RALYL: variants seen among roughly 807,000 people sequenced by gnomAD.
RALYL encodes RNA-binding Raly-like protein.
RALYL carries 29 observed loss-of-function variants against 35.1 expected under a neutral mutation model. The observed-to-expected ratio is 0.83, with a 90% CI of 0.61 to 1.13. The LOEUF (loss-of-function observed/expected upper bound fraction) is 1.13, where lower values mean the gene tolerates loss of function less well. RALYL is among the 50% of genes most tolerant of loss of function. RALYL has a pLI of 0.00. For missense variants in RALYL, 359 were observed against 360.4 expected, an observed-to-expected ratio of 1.00 and a Z score of 0.03; for synonymous variants, 120 against 127.6, an observed-to-expected ratio of 0.94 and a Z score of 0.40.
At chr8:84,806,848 C>CA (rs1283560879) in intron 4 of RALYL, among the ~76,000 whole-genome samples, 3 of 152,038 alleles carry the variant, frequency 2.0e-5, no homozygotes, top group African/African-American at 7.2e-5. Context: ...ATCATCTCTA[C>CA]AAAAAATTAC....
intron 1 of RALYL, among the ~76,000 whole-genome samples, chr8:84,518,229 A>G (rs13258581): frequency 0.36 from 54,463 of 151,988 alleles, 9,957 homozygotes; most frequent in South Asian, 0.51. Context: ...TTTAACCTTG[A>G]CTAAGCTTAA....
intron 1 of RALYL, among the ~76,000 whole-genome samples, chr8:84,380,214 G>T (rs1857699938): frequency 6.6e-6 from 1 of 151,838 alleles, no homozygotes; most frequent in African/African-American, 2.4e-5. Context: ...TTATTCATCT[G>T]CAAAATGGGG....
At position 84,470,145 on chromosome 8, in the gene RALYL, C is replaced by T. The variant is rs150983333; in HGVS notation, c.-23-59154C>T. 6.2e-3 allele frequency among the ~76,000 whole-genome samples: 943 copies of T among 152,276 alleles called. 12 individuals carry two copies. The highest frequency in any genetic ancestry group is 0.021 in the African/African-American group (862 of 41,540). On this transcript the variant is annotated intron_variant, in intron 1 of 8. Transcript: ENST00000521268. ...GCTGTAGACAGGAGCTGTTCCTATT[C>T]GGCCATCTTGGCTCCTCCCTCCAAA... is the stretch of plus-strand genomic sequence containing the variant.
intron 1 of RALYL, among the ~76,000 whole-genome samples, chr8:84,237,902 A>G (rs948902467): frequency 5.3e-5 from 8 of 152,086 alleles, no homozygotes; most frequent in Non-Finnish European, 1.0e-4. Flanking sequence ...TTGAAGAGAA[A>G]GGTACACCAA....
At chr8:84,864,696 A>C (rs1838824491) in intron 6 of RALYL, 3 of 512,902 alleles carry the variant, frequency 5.8e-6, no homozygotes, top group African/African-American at 1.9e-5. Context: ...GCCATAGGCT[A>C]TAGGTGCAAC....
At chr8:84,579,518 C>T (rs1393349791) in intron 2 of RALYL, among the ~76,000 whole-genome samples, 1 of 152,170 alleles carries the variant, frequency 6.6e-6, no homozygotes, top group Non-Finnish European at 1.5e-5. Context: ...CCTGGCTGTG[C>T]CTCCTCTGTG....
intron 7 of RALYL, among the ~76,000 whole-genome samples, chr8:84,875,329 A>G (rs1237198379): frequency 6.6e-6 from 1 of 152,208 alleles, no homozygotes; most frequent in East Asian, 1.9e-4. Context: ...ATTTAAATAT[A>G]AATCACCTCA....
At chr8:84,485,200 A>G (rs2054479854) in intron 1 of RALYL, among the ~76,000 whole-genome samples, 1 of 151,872 alleles carries the variant, frequency 6.6e-6, no homozygotes, top group Non-Finnish European at 1.5e-5. Flanking sequence ...ATTTTTCTTT[A>G]TATCCTAACA....
intron 1 of RALYL, among the ~76,000 whole-genome samples, chr8:84,525,927 G>T (rs2058846577): frequency 6.9e-6 from 1 of 144,672 alleles, no homozygotes. Flanking sequence ...GTGATTGAAT[G>T]ACTTCTATTT....
At chr8:84,490,078 C>CGT (rs749952859) in intron 1 of RALYL, among the ~76,000 whole-genome samples, 1,253 of 91,918 alleles carry the variant, frequency 0.014, 20 homozygotes, top group African/African-American at 0.029. Context: ...TGCTTGCGTG[C>CGT]ATGTGTGTGT....
At chr8:84,350,012 T>C (rs1850595445) in intron 1 of RALYL, among the ~76,000 whole-genome samples, 1 of 150,596 alleles carries the variant, frequency 6.6e-6, no homozygotes, top group African/African-American at 2.5e-5. Context: ...CAAGTGTCTC[T>C]TGATTTTTGC....
intron 1 of RALYL, among the ~76,000 whole-genome samples, chr8:84,244,591 G>A (rs539328772): frequency 6.6e-6 from 1 of 152,274 alleles, no homozygotes; most frequent in African/African-American, 2.4e-5. Flanking sequence ...TACATCTGCT[G>A]CACTATTTCT....
At chr8:84,460,886 G>A (rs1390876735) in intron 1 of RALYL, among the ~76,000 whole-genome samples, 1 of 151,288 alleles carries the variant, frequency 6.6e-6, no homozygotes, top group Non-Finnish European at 1.5e-5. Flanking sequence ...TCAAAATAAT[G>A]AGCTTAGGGC....
intron 4 of RALYL, among the ~76,000 whole-genome samples, chr8:84,844,939 A>C (rs932218617): frequency 6.6e-6 from 1 of 150,866 alleles, no homozygotes; most frequent in Non-Finnish European, 1.5e-5. Flanking sequence ...GGACACAGGA[A>C]GGGGAACATC....
chr8:84,293,149 T>C (rs551597700), intron 1 of RALYL, among the ~76,000 whole-genome samples: 1 of 152,296 alleles, frequency 6.6e-6, no homozygotes, highest in South Asian at 2.1e-4. Context: ...AACTACTTTT[T>C]TAAGTTTAAA....
chr8:84,758,562 A>T (rs1392936548), intron 2 of RALYL, among the ~76,000 whole-genome samples: 1 of 152,178 alleles, frequency 6.6e-6, no homozygotes, highest in Non-Finnish European at 1.5e-5. Context: ...GGATTATTCT[A>T]AGTTCACCTA....
chr8:84,906,880 C>G, intron 8 of RALYL: 1 of 847,534 alleles, frequency 1.2e-6, no homozygotes, highest in Non-Finnish European at 1.4e-6. Context: ...GCACTATCAG[C>G]CTTGCCCTGC....
At chr8:84,811,068 G>GT (rs908936344) in intron 4 of RALYL, among the ~76,000 whole-genome samples, 31 of 145,902 alleles carry the variant, frequency 2.1e-4, no homozygotes, top group Admixed American at 4.7e-4. Flanking sequence ...TTTGTTTTTT[G>GT]TTTTTTTTTC....
chr8:84,719,266 G>C (rs1843454311), intron 2 of RALYL, among the ~76,000 whole-genome samples: 1 of 152,190 alleles, frequency 6.6e-6, no homozygotes. Flanking sequence ...AGGATAAACA[G>C]AACGGATTGC....
Sources: allele counts gnomAD v4.1 joint callset (sites outside exome capture counted in the v4.1 genomes callset), GRCh38; gene constraint gnomAD v4.1.1; transcripts MANE v1.5; gene names NCBI Gene and HGNC (gene_info 2026-07-23, HGNC 2026-07-21).